Variants in GDF1 observed in about 807,000 individuals in gnomAD.
The protein encoded by GDF1 is growth differentiation factor 1.
Under a neutral mutation model 7.4 loss-of-function variants are expected in GDF1, and 8 were observed. That is an observed-to-expected ratio of 1.09 (90% CI 0.64 to 1.96). GDF1 has a LOEUF of 1.96. Ranked by LOEUF, GDF1 falls within the 30% of genes most tolerant of loss-of-function variation. The probability of loss-of-function intolerance (pLI) is 0.00; values close to 1 mark genes in which losing one functional copy is unlikely to be tolerated. For synonymous variants in GDF1, 311 were observed against 276.7 expected (o/e 1.12, Z -1.23); for missense variants, 574 against 551.5 (o/e 1.04, Z -0.41).
chr19:18,869,868 G>A lies in GDF1; in HGVS notation c.325+115C>T, dbSNP rs1449563165. Reference sequence around the variant, plus strand: ...CGGTGGCCGAAGTTGCTAGTAGCCTGGACAGGGCGGGTGGGGACCCTCGGA... The same window carrying A: ...CGGTGGCCGAAGTTGCTAGTAGCCTAGACAGGGCGGGTGGGGACCCTCGGA... On this transcript the variant is annotated intron_variant, in intron 7 of 7. Coordinates refer to ENST00000247005, the MANE Select transcript of GDF1 (RefSeq NM_001492.6). The A allele has an allele frequency of 1.4e-5, 14 of 1,024,070 alleles. No individual in the cohort carries two copies. The East Asian group carries it at 3.4e-4, about 25-fold the overall frequency. The allele number at this position is 1,024,070 out of a possible 1,614,324, so 63.4% of individuals were successfully genotyped here.
At chr19:18,888,572 T>C (rs1054071472) in intron 2 of GDF1, among the ~76,000 whole-genome samples, 3 of 144,734 alleles carry the variant, frequency 2.1e-5, no homozygotes, top group Non-Finnish European at 3.0e-5. Context: ...GGCTCATGCC[T>C]GTAATCCCAG....
chr19:18,878,847 G>A lies in GDF1; in HGVS notation c.-313+83C>T, dbSNP rs944716936. The A allele has an allele frequency of 4.7e-5, 73 of 1,551,092 alleles. No individual in the cohort carries two copies. The highest frequency in any genetic ancestry group is 6.1e-5 in the Non-Finnish European group (70 of 1,148,544). ...TCCGCGTCGGCCTCATCTGCTGCTGGGTCTTGGGGGCCTGCCCACGAACAC... is the reference window on the plus strand; with the variant it reads ...TCCGCGTCGGCCTCATCTGCTGCTGAGTCTTGGGGGCCTGCCCACGAACAC... On this transcript the variant is annotated intron_variant, in intron 6 of 7. Coordinates refer to ENST00000247005, the MANE Select transcript of GDF1 (RefSeq NM_001492.6). The surrounding 1 kb of genome is among the most constrained non-coding windows in gnomAD (Gnocchi z 4.6).
rs1299543493 is a variant in GDF1 at position 18,886,110 on chromosome 19, A to C, written c.-913-1843T>G. On this transcript the variant is annotated intron_variant, in intron 2 of 7. Coordinates refer to ENST00000247005, the MANE Select transcript of GDF1 (RefSeq NM_001492.6). ...CCAGAGGCTGCCAGACACCAAATTC[A>C]AGGGCTATGCTCTGGACGGGCACGG... 4.7e-3 allele frequency among the ~76,000 whole-genome samples: 707 copies of C among 151,318 alleles called. 14 individuals carry two copies. Among genetic ancestry groups the C allele is most frequent in the African/African-American group, 0.017 (688 of 40,782 alleles).
At chr19:18,882,883 C>T (rs939953570) in intron 3 of GDF1, among the ~76,000 whole-genome samples, 1 of 151,782 alleles carries the variant, frequency 6.6e-6, no homozygotes, top group African/African-American at 2.4e-5. Flanking sequence ...AGTAGAGACA[C>T]GGTTTCACTG....
At chr19:18,892,245 T>C (rs1019118307) in intron 2 of GDF1, among the ~76,000 whole-genome samples, 1 of 151,850 alleles carries the variant, frequency 6.6e-6, no homozygotes, top group African/African-American at 2.4e-5. Context: ...GAGGGGACCC[T>C]CCCACCTCCA....
intron 6 of GDF1, among the ~76,000 whole-genome samples, chr19:18,871,287 C>T (rs2055966243): frequency 6.7e-6 from 1 of 149,008 alleles, no homozygotes; most frequent in African/African-American, 2.5e-5. Flanking sequence ...AGTGTGGTGG[C>T]ACAATCTCAG....
At position 18,880,404 on chromosome 19, in the gene GDF1, G is replaced by C; in HGVS notation, c.-701C>G. 6.3e-7 allele frequency: 1 copy of C among 1,592,248 alleles called. No homozygotes were observed. Among genetic ancestry groups the C allele is most frequent in the Non-Finnish European group, 8.5e-7 (1 of 1,169,660 alleles). ...AGCTGCACGTCACTGATATCGTGCA[G>C]GAAGAGCACAAGGATGCCCACATTG... On this transcript the variant is annotated 5_prime_UTR_variant, in exon 4 of 8. Coordinates refer to ENST00000247005, the MANE Select transcript of GDF1 (RefSeq NM_001492.6).
chr19:18,870,616 C>G lies in GDF1; in HGVS notation c.-309G>C, dbSNP rs747762144. On this transcript the variant is annotated 5_prime_UTR_variant, in exon 7 of 8. Transcript: ENST00000247005. This position sits in a 1 kb window ranked among gnomAD's most constrained non-coding sequence, Gnocchi z 5.1. ...CCTTCACCAGGCCGTTCCTCAGTGG[C>G]TTCCTGGGGGTCAGAACCGGCGCAG... The G allele has an allele frequency of 3.5e-6, 2 of 573,434 alleles. No homozygotes were observed. Among genetic ancestry groups the G allele is most frequent in the Non-Finnish European group, 6.3e-6 (2 of 316,748 alleles). 35.5% of individuals were successfully genotyped at this position (573,434 alleles called of 1,614,324 possible).
At chr19:18,887,214 A>C (rs1278123203) in intron 2 of GDF1, among the ~76,000 whole-genome samples, 1 of 152,248 alleles carries the variant, frequency 6.6e-6, no homozygotes, top group Admixed American at 6.5e-5. Flanking sequence ...ATGTGGGTGA[A>C]CCCCAAAAAC....
intron 6 of GDF1, among the ~76,000 whole-genome samples, chr19:18,876,058 C>T (rs908320796): frequency 2.0e-5 from 3 of 152,086 alleles, no homozygotes; most frequent in Non-Finnish European, 2.9e-5. Flanking sequence ...GCCTTTTTTT[C>T]ACTGCAACCT....
chr19:18,872,515 AT>A (rs1006396798), intron 6 of GDF1, among the ~76,000 whole-genome samples: 523 of 125,776 alleles, frequency 4.2e-3, no homozygotes, highest in Middle Eastern at 4.5e-3. Context: ...GCCCGGGGTA[AT>A]TTTTTTTTTT....
intron 6 of GDF1, among the ~76,000 whole-genome samples, chr19:18,877,473 G>A (rs956058747): frequency 4.6e-5 from 7 of 152,322 alleles, no homozygotes; most frequent in South Asian, 2.1e-4. Context: ...GACTCAGGCC[G>A]GCTGCAGTGG....
chr19:18,881,084 T>A (rs937259626), intron 3 of GDF1, among the ~76,000 whole-genome samples: 2 of 152,138 alleles, frequency 1.3e-5, no homozygotes, highest in Admixed American at 6.6e-5. Context: ...GGGTACTCTG[T>A]GTCCAGATCC....
intron 3 of GDF1, among the ~76,000 whole-genome samples, chr19:18,882,836 G>A (rs1203792844): frequency 2.0e-5 from 3 of 151,816 alleles, no homozygotes; most frequent in African/African-American, 7.3e-5. Context: ...GGGACTACAG[G>A]CGCCCACCAC....
intron 6 of GDF1, among the ~76,000 whole-genome samples, chr19:18,872,920 A>T (rs1414729356): frequency 6.6e-6 from 1 of 152,152 alleles, no homozygotes; most frequent in African/African-American, 2.4e-5. Context: ...AAGTGCTGGG[A>T]TTTATGGGCG....
intron 6 of GDF1, among the ~76,000 whole-genome samples, chr19:18,876,880 C>T (rs915891784): frequency 6.6e-6 from 1 of 152,138 alleles, no homozygotes; most frequent in Non-Finnish European, 1.5e-5. Context: ...TCACCAGCTT[C>T]TTGGTGAAGG....
At position 18,878,485 on chromosome 19, in the gene GDF1, C is replaced by T. The variant is rs1452378026; in HGVS notation, c.-313+445G>A. ...AAACTCAGAGGCCAGGATGTCTCGG[C>T]CCAGATGGAGCCTGGGTTCTCTCTG... On this transcript the variant is annotated intron_variant, in intron 6 of 7. Coordinates refer to ENST00000247005, the MANE Select transcript of GDF1 (RefSeq NM_001492.6). This position sits in a 1 kb window ranked among gnomAD's most constrained non-coding sequence, Gnocchi z 4.6. 28 of 996,188 alleles carry T rather than the reference C, an allele frequency of 2.8e-5. No homozygotes were observed. Among genetic ancestry groups the T allele is most frequent in the Non-Finnish European group, 3.3e-5 (28 of 836,024 alleles). The allele number at this position is 996,188 out of a possible 1,614,324, so 61.7% of individuals were successfully genotyped here. A position where few individuals can be genotyped will look rare whatever the true frequency, so the allele number is the denominator to read the frequency against.
chr19:18,893,817 G>A (rs2056558002), intron 1 of GDF1, among the ~76,000 whole-genome samples: 1 of 152,120 alleles, frequency 6.6e-6, no homozygotes, highest in African/African-American at 2.4e-5. Context: ...AGGCCCCGAG[G>A]GGAGCAGGAG....
At chr19:18,872,555 C>A (rs2055991484) in intron 6 of GDF1, among the ~76,000 whole-genome samples, 1 of 151,234 alleles carries the variant, frequency 6.6e-6, no homozygotes, top group Admixed American at 6.6e-5. Context: ...CGCTCTTGTC[C>A]CCCAGGCGGG....
Sources: gnomAD v4.1 joint callset for allele counts (sites outside exome capture counted in the v4.1 genomes callset) on GRCh38, gnomAD v4.1.1 for gene constraint, Gnocchi (gnomAD v3.1) non-coding constraint, MANE v1.5 for transcripts, NCBI Gene and HGNC (gene_info 2026-07-23, HGNC 2026-07-21) for gene names.